The following MGAT4C variants were observed in gnomAD, a reference collection of about 807,000 sequenced individuals.
MGAT4C encodes the protein alpha-1,3-mannosyl-glycoprotein 4-beta-N-acetylglucosaminyltransferase C.
A neutral mutation model predicts 40.1 loss-of-function variants in MGAT4C; 19 were observed. The ratio of observed to expected loss-of-function variants is 0.47; its 90% CI spans 0.33 to 0.70. The LOEUF (loss-of-function observed/expected upper bound fraction) is 0.70. MGAT4C is among the 30% of genes least tolerant of loss of function. MGAT4C has a pLI of 0.02. For synonymous variants in MGAT4C, 181 were observed against 187.1 expected (o/e 0.97, Z 0.27); for missense variants, 491 against 563.2 (o/e 0.87, Z 1.30).
rs553787115 is a variant in MGAT4C, at chr12:85,968,326, C to T, written c.*10963G>A. On this transcript the variant is annotated 3_prime_UTR_variant, in exon 5 of 5. Coordinates refer to ENST00000611864, the MANE Select transcript of MGAT4C (RefSeq NM_001351288.2). ...ATTTCAATATCTACAAAGATGTCAT[C>T]ATTAGATTTTATGTGTTAAAAAGTG... is the stretch of plus-strand genomic sequence containing the variant. The T allele has an allele frequency of 2.0e-5, 3 of 152,012 alleles. No individual in the cohort carries two copies. In the South Asian group the frequency reaches 6.2e-4, roughly 32 times the overall value. The allele number at this position is 152,012 out of a possible 1,614,324, so 9.4% of individuals were successfully genotyped here. A position where few individuals can be genotyped will look rare whatever the true frequency, so the allele number is the denominator to read the frequency against.
At chr12:86,433,361 T>TAC (rs1238559789) in intron 3 of MGAT4C, among the ~76,000 whole-genome samples, 1 of 150,918 alleles carries the variant, frequency 6.6e-6, no homozygotes, top group East Asian at 1.9e-4. Flanking sequence ...TGTGTGCATA[T>TAC]ATATATACAC....
At chr12:86,443,695 AC>A (rs1439432530) in intron 2 of MGAT4C, among the ~76,000 whole-genome samples, 1 of 152,046 alleles carries the variant, frequency 6.6e-6, no homozygotes, top group Admixed American at 6.6e-5. Flanking sequence ...TTGGGTTCAC[AC>A]CATTCTCCCG....
intron 1 of MGAT4C, among the ~76,000 whole-genome samples, chr12:86,760,841 A>T (rs1190751191): frequency 6.6e-6 from 1 of 152,222 alleles, no homozygotes; most frequent in Non-Finnish European, 1.5e-5. Context: ...AAGAAGCCAG[A>T]TAAAAAGTGT....
intron 2 of MGAT4C, among the ~76,000 whole-genome samples, chr12:86,632,488 A>G (rs993983958): frequency 6.7e-6 from 1 of 149,854 alleles, no homozygotes; most frequent in African/African-American, 2.4e-5. Context: ...TCACAATAGC[A>G]AAGACTTGGA....
At chr12:86,750,174 C>T (rs1951213517) in intron 1 of MGAT4C, among the ~76,000 whole-genome samples, 1 of 151,666 alleles carries the variant, frequency 6.6e-6, no homozygotes, top group Non-Finnish European at 1.5e-5. Context: ...TCAAATGTGG[C>T]CAATCCTTTC....
intron 1 of MGAT4C, among the ~76,000 whole-genome samples, chr12:86,771,397 T>C (rs1593191931): frequency 6.6e-6 from 1 of 151,670 alleles, no homozygotes; most frequent in East Asian, 1.9e-4. Context: ...GCTGGAAGAG[T>C]TGTAAAATGT....
rs1033790512 is a variant in MGAT4C, at chr12:86,034,536, A to T, written c.-7+15138T>A. Among the ~76,000 whole-genome samples the T allele has an allele frequency of 1.5e-4, 22 of 148,294 alleles. 1 individual carries two copies. Among genetic ancestry groups the T allele is most frequent in the African/African-American group, 4.6e-4 (19 of 41,210 alleles). ...AGATTTTCTACCTTGTGTGCATAGA[A>T]ATGTGCATAGTAGTCTCTGAGGGTT... On this transcript the variant is annotated intron_variant, in intron 2 of 4. Coordinates refer to ENST00000611864, the MANE Select transcript of MGAT4C (RefSeq NM_001351288.2).
At chr12:86,206,281 A>C (rs1043417723) in intron 1 of MGAT4C, among the ~76,000 whole-genome samples, 1 of 152,214 alleles carries the variant, frequency 6.6e-6, no homozygotes, top group Non-Finnish European at 1.5e-5. Context: ...AGAATGTAAA[A>C]GGAAGTGGAA....
At chr12:86,675,109 G>C (rs11104028) in intron 2 of MGAT4C, among the ~76,000 whole-genome samples, 5,358 of 152,108 alleles carry the variant, frequency 0.035, 143 homozygotes, top group Non-Finnish European at 0.048. Context: ...ACATGTCATC[G>C]TCAAAATTTG....
intron 1 of MGAT4C, among the ~76,000 whole-genome samples, chr12:86,824,675 A>G (rs765666067): frequency 4.0e-5 from 6 of 148,990 alleles, no homozygotes; most frequent in Non-Finnish European, 9.0e-5. Context: ...AAGGTATCTC[A>G]GTAAGTTTAC....
intron 3 of MGAT4C, among the ~76,000 whole-genome samples, chr12:86,369,115 T>C (rs1955668812): frequency 6.6e-6 from 1 of 152,032 alleles, no homozygotes; most frequent in Non-Finnish European, 1.5e-5. Context: ...TATTATGTAA[T>C]ATCTTTCACC....
intron 3 of MGAT4C, among the ~76,000 whole-genome samples, chr12:86,341,008 G>T (rs1954894624): frequency 1.3e-5 from 2 of 152,150 alleles, no homozygotes; most frequent in South Asian, 4.1e-4. Context: ...TGGCCAAGAT[G>T]GCTGACTATA....
At chr12:86,260,570 A>T (rs2136095088), upstream of MGAT4C, among the ~76,000 whole-genome samples, 1 of 152,282 alleles carries the variant, frequency 6.6e-6, no homozygotes, top group East Asian at 1.9e-4. Context: ...GTGTGTTTCC[A>T]TAGGAAATGA....
intron 3 of MGAT4C, among the ~76,000 whole-genome samples, chr12:86,338,931 G>A (rs1475015072): frequency 7.7e-6 from 1 of 129,316 alleles, no homozygotes; most frequent in Non-Finnish European, 1.6e-5. Flanking sequence ...TGCACTCCAG[G>A]CTGGGTGACA....
chr12:86,136,535 T>C (rs1881977309), intron 1 of MGAT4C, among the ~76,000 whole-genome samples: 6 of 152,156 alleles, frequency 3.9e-5, no homozygotes, highest in Admixed American at 3.9e-4. Context: ...ACGAAGACGT[T>C]ATGCAATGTG....
chr12:86,515,920 A>G (rs1958678702), intron 2 of MGAT4C, among the ~76,000 whole-genome samples: 1 of 151,544 alleles, frequency 6.6e-6, no homozygotes, highest in Non-Finnish European at 1.5e-5. Flanking sequence ...TTTTTTTTGT[A>G]TTTTTAGTAG....
At chr12:86,376,491 G>T (rs573800916) in intron 3 of MGAT4C, among the ~76,000 whole-genome samples, 5 of 152,044 alleles carry the variant, frequency 3.3e-5, no homozygotes, top group Non-Finnish European at 7.4e-5. Flanking sequence ...TCTGTACATT[G>T]CTATATTTTC....
intron 2 of MGAT4C, among the ~76,000 whole-genome samples, chr12:86,614,560 C>G (rs1962387293): frequency 6.6e-6 from 1 of 151,684 alleles, no homozygotes; most frequent in Admixed American, 6.6e-5. Flanking sequence ...TGGGGGGAAG[C>G]AAATAACAGA....
rs1481820948 is a variant in MGAT4C at position 85,960,841 on chromosome 12, A to G, written c.*18448T>C. ...TACATTGAAAAAATTCACTCTTACC[A>G]CTGATTTGATTGATACTGAGCCTGT... On this transcript the variant is annotated 3_prime_UTR_variant, in exon 5 of 5. Transcript: ENST00000611864. The G allele has an allele frequency of 6.6e-6, 1 of 151,840 alleles. No homozygotes were observed. Among genetic ancestry groups the G allele is most frequent in the Non-Finnish European group, 1.5e-5 (1 of 67,818 alleles). 9.4% of individuals were successfully genotyped at this position (151,840 alleles called of 1,614,324 possible). A position where few individuals can be genotyped will look rare whatever the true frequency, so the allele number is the denominator to read the frequency against.
Sources: allele counts gnomAD v4.1 joint callset (sites outside exome capture counted in the v4.1 genomes callset), GRCh38; gene constraint gnomAD v4.1.1; transcripts MANE v1.5; gene names NCBI Gene and HGNC (gene_info 2026-07-23, HGNC 2026-07-21).